Variants in PPP6R3 observed in about 807,000 individuals in gnomAD.
PPP6R3 encodes serine/threonine-protein phosphatase 6 regulatory subunit 3.
Under a neutral mutation model 110.7 loss-of-function variants are expected in PPP6R3, and 38 were observed. The observed-to-expected ratio is 0.34, with a 90% CI of 0.26 to 0.45. The LOEUF is 0.45. Ranked by LOEUF, PPP6R3 falls within the 20% of genes least tolerant of loss-of-function variation. The pLI, the probability that PPP6R3 is intolerant of heterozygous loss-of-function variation, is 1.00. For missense variants in PPP6R3, 870 were observed against 1,062.4 expected, an observed-to-expected ratio of 0.82 and a Z score of 2.52; for synonymous variants, 369 against 373.5, an observed-to-expected ratio of 0.99 and a Z score of 0.14.
chr11:68,549,938 G>T (rs1051767810), intron 5 of PPP6R3, among the ~76,000 whole-genome samples: 1 of 152,188 alleles, frequency 6.6e-6, no homozygotes, highest in East Asian at 1.9e-4. Flanking sequence ...GAGACAGCAG[G>T]AGTCTGGGAT....
chr11:68,490,854 G>T (rs957965987), intron 1 of PPP6R3, among the ~76,000 whole-genome samples: 1 of 151,978 alleles, frequency 6.6e-6, no homozygotes, highest in African/African-American at 2.4e-5. Flanking sequence ...CTTGCTTGTT[G>T]TCTGCCTTTT....
intron 15 of PPP6R3, 72 bp downstream of exon 15, chr11:68,583,201 G>C (rs1270288893): frequency 8.6e-7 from 1 of 1,166,428 alleles, no homozygotes; most frequent in Non-Finnish European, 1.2e-6. Context: ...TTATGAATCA[G>C]CTTCAGAGTC....
chr11:68,542,411 T>TTTTTTTTTTA (rs1244450813), intron 3 of PPP6R3, among the ~76,000 whole-genome samples: 1 of 141,882 alleles, frequency 7.0e-6, no homozygotes, highest in African/African-American at 2.7e-5. Context: ...TTTTTTTTTT[T>TTTTTTTTTTA]AAGACAGAGT....
At chr11:68,556,664 T>A (rs921860289) in intron 7 of PPP6R3, among the ~76,000 whole-genome samples, 9 of 152,218 alleles carry the variant, frequency 5.9e-5, no homozygotes, top group Non-Finnish European at 4.4e-5. Context: ...CAGAAACTGC[T>A]ATTTTTTAAA....
intron 23 of PPP6R3, chr11:68,612,855 C>A: frequency 1.0e-6 from 1 of 959,934 alleles, no homozygotes; most frequent in Non-Finnish European, 1.5e-6. Flanking sequence ...TGCTGAATGC[C>A]TGCTCACCCG....
rs1039037304 is a variant in PPP6R3 at position 68,504,050 on chromosome 11, C to T, written c.-157-15451C>T. Among the ~76,000 whole-genome samples the T allele has an allele frequency of 5.9e-5, 9 of 152,152 alleles. No individual in the cohort carries two copies. The South Asian group carries it at 6.2e-4, about 10-fold the overall frequency. ...ACTTGGCCACGTGCCTAATTAGAAG[C>T]GCACATTCTTTGATCCAGCAGATCC... On this transcript the variant is annotated intron_variant, in intron 1 of 23. Transcript: ENST00000393800.
chr11:68,590,925 G>T (rs1479813893), intron 17 of PPP6R3, among the ~76,000 whole-genome samples: 1 of 152,168 alleles, frequency 6.6e-6, no homozygotes, highest in African/African-American at 2.4e-5. Context: ...GAGCTAATAA[G>T]ACCAGGGTCA....
intron 21 of PPP6R3, 35 bp from the exon 22 acceptor site, chr11:68,603,307 T>G: frequency 6.2e-7 from 1 of 1,611,128 alleles, no homozygotes; most frequent in Non-Finnish European, 8.5e-7. Context: ...CTTTTCGGGC[T>G]TGCTGTGTGT....
intron 9 of PPP6R3, among the ~76,000 whole-genome samples, chr11:68,566,237 G>GGCTGCTGCTGCTGCTGCTGCT (rs59680768): frequency 1.3e-5 from 2 of 151,270 alleles, no homozygotes; most frequent in Middle Eastern, 3.4e-3. Flanking sequence ...CCACCACCAC[G>GGCTGCTGCTGCTGCTGCTGCT]GCTGCTGCTG....
chr11:68,603,488 A>C lies in PPP6R3; in HGVS notation c.2446A>C (p.Lys816Gln), dbSNP rs781271900. The change falls in exon 22 of 24, where the codon AAA becomes CAA. Residue 816 changes from lysine (K) to glutamine (Q), a missense_variant. Lys to Gln is a moderately conservative substitution (Grantham distance 53, BLOSUM62 1). Transcript: ENST00000393800. The part of the protein sequence containing the change: ...VDAKTETAVF[K>Q]SEEGKLSTSQ... Reference sequence around the variant, plus strand: ...TGCCAAGACAGAGACTGCGGTCTTCAAAAGGTAACCAGGGGTGAGATCCTG... The same window carrying C: ...TGCCAAGACAGAGACTGCGGTCTTCCAAAGGTAACCAGGGGTGAGATCCTG... 6.2e-7 allele frequency: 1 copy of C among 1,614,118 alleles called. No individual in the cohort carries two copies. The highest frequency in any genetic ancestry group is 8.5e-7 in the Non-Finnish European group (1 of 1,179,962).
chr11:68,474,735 A>G (rs1295348490), intron 1 of PPP6R3, among the ~76,000 whole-genome samples: 1 of 152,062 alleles, frequency 6.6e-6, no homozygotes, highest in African/African-American at 2.4e-5. Context: ...GGATGTTTTA[A>G]TATTTATAGG....
chr11:68,528,012 C>T (rs974129570), intron 2 of PPP6R3, among the ~76,000 whole-genome samples: 45 of 152,170 alleles, frequency 3.0e-4, no homozygotes, highest in African/African-American at 9.9e-4. Flanking sequence ...CCAGGTTGTC[C>T]TCCCTTGAGC....
chr11:68,506,707 C>G (rs984351004), intron 1 of PPP6R3, among the ~76,000 whole-genome samples: 1 of 152,156 alleles, frequency 6.6e-6, no homozygotes, highest in Non-Finnish European at 1.5e-5. Flanking sequence ...AAGGCTTTGT[C>G]TCCCCTGACC....
intron 2 of PPP6R3, among the ~76,000 whole-genome samples, chr11:68,526,061 G>T (rs2099195740): frequency 6.6e-6 from 1 of 152,062 alleles, no homozygotes; most frequent in Non-Finnish European, 1.5e-5. Flanking sequence ...TTGTGTTGTT[G>T]CAAATAGCCA....
At chr11:68,580,627 C>A (rs1389159781) in intron 14 of PPP6R3, among the ~76,000 whole-genome samples, 1 of 151,608 alleles carries the variant, frequency 6.6e-6, no homozygotes, top group Non-Finnish European at 1.5e-5. Context: ...AGTGACTGAG[C>A]TGAAGATGCC....
At position 68,613,228 on chromosome 11, in the gene PPP6R3, G is replaced by A; in HGVS notation, c.*111G>A. ...TGTCACTGCTGCACTCACTCTGCAA[G>A]GGATCAGGACCAGCAACCTTTATAT... is the stretch of plus-strand genomic sequence containing the variant. On this transcript the variant is annotated 3_prime_UTR_variant, in exon 24 of 24. Transcript: ENST00000393800. 1 of 1,509,414 alleles carries A rather than the reference G, an allele frequency of 6.6e-7. No homozygotes were observed. The highest frequency in any genetic ancestry group is 8.8e-7 in the Non-Finnish European group (1 of 1,130,664). 93.5% of individuals were successfully genotyped at this position (1,509,414 alleles called of 1,614,324 possible).
intron 15 of PPP6R3, 135 bp downstream of exon 15, chr11:68,583,264 T>C (rs887657616): frequency 3.0e-6 from 2 of 657,470 alleles, no homozygotes; most frequent in Non-Finnish European, 5.0e-6. Context: ...GACCAAAGCA[T>C]TTAAAATAGG....
In PPP6R3 at chr11:68,559,397, A is replaced by G. The variant is rs143506794; in HGVS notation, c.845+718A>G. 1.4e-3 allele frequency among the ~76,000 whole-genome samples: 216 copies of G among 152,350 alleles called. 1 individual carries two copies. The highest frequency in any genetic ancestry group is 4.9e-3 in the African/African-American group (202 of 41,572). ...AGCATGAGAATCTGAAGAGGTATGTATAAGTTTTCCGGGATTGTGTGATGT... is the reference window on the plus strand; with the variant it reads ...AGCATGAGAATCTGAAGAGGTATGTGTAAGTTTTCCGGGATTGTGTGATGT... On this transcript the variant is annotated intron_variant, in intron 8 of 23. Coordinates refer to ENST00000393800, the MANE Select transcript of PPP6R3 (RefSeq NM_001164161.2).
chr11:68,535,731 G>A (rs2099266628), intron 2 of PPP6R3, among the ~76,000 whole-genome samples: 1 of 151,012 alleles, frequency 6.6e-6, no homozygotes, highest in South Asian at 2.1e-4. Flanking sequence ...GGGAGGCTGA[G>A]GCAGGTGGAT....
Sources: allele counts gnomAD v4.1 joint callset (sites outside exome capture counted in the v4.1 genomes callset), GRCh38; gene constraint gnomAD v4.1.1; transcripts MANE v1.5; gene names NCBI Gene and HGNC (gene_info 2026-07-23, HGNC 2026-07-21).